CSF2RA: variants seen among roughly 807,000 people sequenced by gnomAD.
The protein encoded by CSF2RA is granulocyte-macrophage colony-stimulating factor receptor subunit alpha.
Under a neutral mutation model 51.6 loss-of-function variants are expected in CSF2RA, and 42 were observed. The observed-to-expected ratio is 0.81, with a 90% CI of 0.64 to 1.05. The LOEUF (loss-of-function observed/expected upper bound fraction) is 1.05. Ranked by LOEUF, CSF2RA falls within the 50% of genes least tolerant of loss-of-function variation. CSF2RA has a pLI of 0.00. For missense variants in CSF2RA, 530 were observed against 501.1 expected (o/e 1.06, Z -0.55); for synonymous variants, 222 against 193.0 (o/e 1.15, Z -1.24).
At chrX:1,313,806 T>C (rs1226440948), downstream of CSF2RA, among the ~76,000 whole-genome samples, 1 of 151,710 alleles carries the variant, frequency 6.6e-6, no homozygotes, top group Non-Finnish European at 1.5e-5. Context: ...CTGGCTAACA[T>C]GGTGAAACTC....
intron 1 of CSF2RA, among the ~76,000 whole-genome samples, chrX:1,272,310 C>A (rs1318613815): frequency 6.6e-6 from 1 of 151,360 alleles, no homozygotes; most frequent in African/African-American, 2.4e-5. Context: ...GAGGACTCCA[C>A]CCCACAATGA....
At chrX:1,282,211 G>GAAA in intron 2 of CSF2RA, 1 of 170,570 alleles carries the variant, frequency 5.9e-6, no homozygotes, top group Non-Finnish European at 1.2e-5. Context: ...TCTCAAAAAA[G>GAAA]AAAAAAAAAG....
intron 9 of CSF2RA, among the ~76,000 whole-genome samples, chrX:1,299,914 T>C (rs747920900): frequency 5.7e-4 from 85 of 150,286 alleles, no homozygotes; most frequent in African/African-American, 2.0e-3. Context: ...CGAGAGTGTC[T>C]CAAATAAAAT....
intron 2 of CSF2RA, among the ~76,000 whole-genome samples, chrX:1,281,009 T>C (rs866855698): frequency 3.0e-3 from 168 of 55,296 alleles, no homozygotes; most frequent in Non-Finnish European, 4.9e-3. Flanking sequence ...TCCTCCTCCT[T>C]CTCCTCCTCC....
chrX:1,285,964 C>G (rs2090598817), intron 4 of CSF2RA, 44 bp downstream of exon 4: 1 of 1,613,248 alleles, frequency 6.2e-7, no homozygotes, highest in African/African-American at 1.3e-5. Flanking sequence ...TTTACACACC[C>G]CTTTCTGAGT....
In CSF2RA at chrX:1,268,823, C is replaced by T; in HGVS notation, c.-147C>T. On this transcript the variant is annotated 5_prime_UTR_variant, in exon 1 of 13. Transcript: ENST00000381529. ...AACTCTGAAGGGAGCTACTCAGAAG[C>T]GGGAGTCTCCGAGAGAAGAAAAGCA... 2.2e-6 allele frequency: 1 copy of T among 454,024 alleles called. No individual in the cohort carries two copies. The highest frequency in any genetic ancestry group is 1.6e-5 in the South Asian group (1 of 64,462). The allele number at this position is 454,024 out of a possible 1,614,324, so 28.1% of individuals were successfully genotyped here. A position where few individuals can be genotyped will look rare whatever the true frequency, so the allele number is the denominator to read the frequency against.
At chrX:1,287,876 A>G (rs1176488588) in intron 4 of CSF2RA, among the ~76,000 whole-genome samples, 2 of 136,848 alleles carry the variant, frequency 1.5e-5, no homozygotes, top group Non-Finnish European at 3.1e-5. Context: ...AGCAGGGATT[A>G]CAGGTGCCTG....
Position 1,291,221 on chromosome X carries a change from C to T in CSF2RA, c.646+712C>T, listed in dbSNP as rs181949962. Among the ~76,000 whole-genome samples the T allele has an allele frequency of 4.6e-3, 703 of 151,902 alleles. 8 individuals are homozygous for T. The highest frequency in any genetic ancestry group is 0.016 in the African/African-American group (664 of 41,434). The stretch of plus-strand genomic sequence containing the variant: ...ACAGGCGTCAGCCACTGCACCTGAC[C>T]TCCCTCTTTACCTCCTTCCTTCTTT... On this transcript the variant is annotated intron_variant, in intron 7 of 12. Transcript: ENST00000381529.
the CSF2RA span, among the ~76,000 whole-genome samples, chrX:1,318,590 G>C: frequency 6.6e-6 from 1 of 151,738 alleles, no homozygotes. Context: ...GGATAGAAAA[G>C]ACTTTGGAGA....
At chrX:1,300,989 A>G (rs1195169007) in intron 10 of CSF2RA, among the ~76,000 whole-genome samples, 15 of 151,930 alleles carry the variant, frequency 9.9e-5, no homozygotes, top group Admixed American at 7.2e-4. Flanking sequence ...CCCCGTCTCT[A>G]CTAAAAATAC....
chrX:1,284,828 C>G, intron 3 of CSF2RA, among the ~76,000 whole-genome samples: 1 of 151,936 alleles, frequency 6.6e-6, no homozygotes. Flanking sequence ...CCATGTCCAC[C>G]TAATTTTTTT....
intron 2 of CSF2RA, among the ~76,000 whole-genome samples, chrX:1,276,965 G>T (rs2089262691): frequency 6.6e-6 from 1 of 151,856 alleles, no homozygotes; most frequent in South Asian, 2.1e-4. Context: ...TGGGCGTGGT[G>T]GTGCATGCCT....
At chrX:1,319,857 G>A in the CSF2RA span, among the ~76,000 whole-genome samples, 1 of 149,018 alleles carries the variant, frequency 6.7e-6, no homozygotes, top group Admixed American at 6.7e-5. Context: ...TGGGATTACA[G>A]GCACGTGCCA....
chrX:1,272,099 G>A (rs762069249), intron 1 of CSF2RA, among the ~76,000 whole-genome samples: 12 of 151,712 alleles, frequency 7.9e-5, no homozygotes, highest in South Asian at 2.1e-4. Flanking sequence ...GATTACAGGC[G>A]TGTGCTACCA....
At position 1,305,524 on chromosome X, in the gene CSF2RA, C is replaced by G; in HGVS notation, c.1122C>G (p.Asp374Glu). The change falls in exon 12 of 13, where the codon GAC becomes GAG. Residue 374 changes from aspartate to glutamate, a missense_variant. Asp to Glu is a conservative substitution (Grantham distance 45). Coordinates refer to ENST00000381529, the MANE Select transcript of CSF2RA (RefSeq NM_172245.4). ...TGAATGATAACCATGAGGTGGAAGA[C>G]GAGGTAGGCAGGGGTGGGCGGAGCA... ...DKLNDNHEVE[D>E]EIIWEEFTPE... The G allele has an allele frequency of 6.2e-7, 1 of 1,613,810 alleles. No homozygotes were observed. The highest frequency in any genetic ancestry group is 8.5e-7 in the Non-Finnish European group (1 of 1,179,844).
At chrX:1,314,886 A>ATC (rs2084473335), downstream of CSF2RA, among the ~76,000 whole-genome samples, 3 of 73,980 alleles carry the variant, frequency 4.1e-5, 1 homozygote, top group African/African-American at 9.7e-5. Context: ...CACCTGCCCA[A>ATC]CCACACTGAA....
At chrX:1,314,967 A>ACTGTGCTTGCCCAACCCCT (rs2084499167), downstream of CSF2RA, among the ~76,000 whole-genome samples, 1 of 105,230 alleles carries the variant, frequency 9.5e-6, no homozygotes, top group Non-Finnish European at 2.2e-5. Flanking sequence ...GCCCAACCCC[A>ACTGTGCTTGCCCAACCCCT]CTGTGCCTGC....
At chrX:1,281,705 G>C (rs2090091832) in intron 2 of CSF2RA, among the ~76,000 whole-genome samples, 1 of 151,850 alleles carries the variant, frequency 6.6e-6, no homozygotes, top group Admixed American at 6.6e-5. Flanking sequence ...CCATGATTTT[G>C]TCTTTTCCAC....
chrX:1,311,329 A>AGCTCCCCTTCCTCTCCCACCAGGAGT (rs2084173678), downstream of CSF2RA, among the ~76,000 whole-genome samples: 1 of 151,382 alleles, frequency 6.6e-6, no homozygotes, highest in African/African-American at 2.4e-5. Context: ...ATGTAACACC[A>AGCTCCCCTTCCTCTCCCACCAGGAGT]GCTCCCCTTC....
Sources: gnomAD v4.1 joint callset for allele counts (sites outside exome capture counted in the v4.1 genomes callset) on GRCh38, gnomAD v4.1.1 for gene constraint, MANE v1.5 for transcripts, NCBI Gene and HGNC (gene_info 2026-07-23, HGNC 2026-07-21) for gene names.